The following EMSY variants were observed in gnomAD, a reference collection of about 807,000 sequenced individuals.
EMSY encodes BRCA2-interacting transcriptional repressor EMSY.
EMSY carries 26 observed loss-of-function variants against 134.6 expected under a neutral mutation model. The observed-to-expected ratio is 0.19, with a 90% CI of 0.14 to 0.27. The LOEUF (loss-of-function observed/expected upper bound fraction) is 0.27, where lower values mean the gene tolerates loss of function less well. EMSY is among the 10% of genes least tolerant of loss of function. The pLI is 1.00. For missense variants in EMSY, 1,305 were observed against 1,611.4 expected (o/e 0.81, Z 3.26); for synonymous variants, 579 against 577.8 (o/e 1.00, Z -0.03).
chr11:76,529,945 CT>C (rs1950974146), intron 14 of EMSY, among the ~76,000 whole-genome samples: 1 of 151,942 alleles, frequency 6.6e-6, no homozygotes, highest in African/African-American at 2.4e-5. Flanking sequence ...CAATACTGGC[CT>C]TTTTTGCACT....
At chr11:76,472,569 T>A in exon 8 of EMSY, 1 of 1,613,572 alleles carries the variant, frequency 6.2e-7, no homozygotes, top group African/African-American at 1.3e-5. Flanking sequence ...CTTAGGTTAT[T>A]ATAGTCACCA....
chr11:76,454,010 T>C (rs914434322), intron 4 of EMSY: 5 of 152,180 alleles, frequency 3.3e-5, no homozygotes, highest in Admixed American at 2.0e-4. Context: ...TAAGCCTTAA[T>C]TGAGTATGTA....
chr11:76,486,804 G>A (rs1949203274), intron 8 of EMSY, among the ~76,000 whole-genome samples: 2 of 152,160 alleles, frequency 1.3e-5, no homozygotes, highest in Admixed American at 1.3e-4. Flanking sequence ...AATCAAGGTG[G>A]TCATAATAGT....
intron 8 of EMSY, among the ~76,000 whole-genome samples, chr11:76,490,201 C>A (rs1456769448): frequency 1.3e-5 from 2 of 149,966 alleles, no homozygotes; most frequent in Non-Finnish European, 3.0e-5. Flanking sequence ...TTTAAGGATT[C>A]CATTTTATTT....
exon 19 of EMSY, chr11:76,544,472 A>C (rs1951566122): frequency 2.5e-6 from 4 of 1,614,000 alleles, no homozygotes; most frequent in African/African-American, 1.3e-5. Flanking sequence ...CTTCCAGACT[A>C]AACAGAAGCA....
intron 4 of EMSY, 161 bp from the exon 6 acceptor site, chr11:76,458,016 GAATTAT>G: frequency 4.0e-6 from 2 of 505,804 alleles, no homozygotes; most frequent in East Asian, 6.7e-5. Flanking sequence ...GACATTCCTT[GAATTAT>G]AATTATTCAT....
chr11:76,486,650 TCTC>T (rs1234555503), intron 8 of EMSY, among the ~76,000 whole-genome samples: 5 of 152,046 alleles, frequency 3.3e-5, no homozygotes, highest in South Asian at 2.1e-4. Flanking sequence ...ATCTCTGACC[TCTC>T]CTCCTTACAT....
rs1951285987 is a variant in EMSY, at chr11:76,537,938, T to C, written c.2503T>C (p.Tyr835His). ...GGTAGAGTCAGAACTAGTAGCTGAA[T>C]ACATCACTACTGGTAGGTGTCCTCT... Residue 835 changes from tyrosine to histidine, a missense_variant, in exon 16 of 21, where the codon TAC becomes CAC. By Grantham distance (83) the Tyr-to-His change is moderately conservative. This residue lies in a region of EMSY where 664 missense variants were observed against 763.9 expected (regional missense o/e 0.87). Coordinates refer to ENST00000334736, the Ensembl canonical transcript of EMSY. 7 of 1,611,036 alleles carry C rather than the reference T, an allele frequency of 4.3e-6. No individual in the cohort carries two copies. In the South Asian group the frequency reaches 5.5e-5, roughly 13 times the overall value.
chr11:76,526,171 G>A (rs1950840244), intron 12 of EMSY, among the ~76,000 whole-genome samples: 2 of 152,124 alleles, frequency 1.3e-5, no homozygotes, highest in South Asian at 2.1e-4. Context: ...TATAATATAT[G>A]TATTCCATTA....
At chr11:76,469,084 A>G (rs1214247301) in intron 7 of EMSY, among the ~76,000 whole-genome samples, 2 of 152,162 alleles carry the variant, frequency 1.3e-5, no homozygotes, top group Non-Finnish European at 2.9e-5. Context: ...CTCAAAATAG[A>G]TCTTATCATT....
chr11:76,523,700 C>CTTTTTTTTTTTTTT (rs1491439676), intron 12 of EMSY, among the ~76,000 whole-genome samples: 2 of 63,748 alleles, frequency 3.1e-5, no homozygotes, highest in African/African-American at 1.4e-4. Flanking sequence ...GGATTTGTTA[C>CTTTTTTTTTTTTTT]TTTCTTTTTT....
At chr11:76,446,052 GTTCA>G (rs1237809440) in intron 1 of EMSY, among the ~76,000 whole-genome samples, 2 of 152,026 alleles carry the variant, frequency 1.3e-5, no homozygotes, top group African/African-American at 2.4e-5. Flanking sequence ...CAGTGAGCTC[GTTCA>G]TTCATTCATT....
intron 10 of EMSY, among the ~76,000 whole-genome samples, chr11:76,515,206 T>G (rs367702627): frequency 0.035 from 5,095 of 144,458 alleles, 97 homozygotes; most frequent in Middle Eastern, 0.052. Flanking sequence ...AGCATTTTTT[T>G]GGGGGGGGGG....
intron 11 of EMSY, among the ~76,000 whole-genome samples, chr11:76,521,569 C>T (rs61894542): frequency 0.27 from 40,851 of 151,660 alleles, 5,795 homozygotes; most frequent in Non-Finnish European, 0.32. Flanking sequence ...TCAAGACCAA[C>T]CTGGGTAATG....
exon 8 of EMSY, chr11:76,472,828 A>G (rs750378586): frequency 2.5e-6 from 4 of 1,613,740 alleles, no homozygotes; most frequent in Non-Finnish European, 3.4e-6. Context: ...GGTCATGTCA[A>G]CAGTAGCACA....
intron 5 of EMSY, chr11:76,459,183 G>T (rs1017607134): frequency 1.3e-5 from 2 of 152,166 alleles, no homozygotes; most frequent in African/African-American, 4.8e-5. Context: ...GTTTCCACTA[G>T]TCAAATCCAT....
intron 9 of EMSY, among the ~76,000 whole-genome samples, chr11:76,499,109 A>G (rs1387691987): frequency 6.6e-6 from 1 of 151,052 alleles, no homozygotes; most frequent in Non-Finnish European, 1.5e-5. Context: ...TTACAGGTGC[A>G]CACTACCACG....
chr11:76,458,454 T>C (rs1182024585), intron 5 of EMSY, 96 bp downstream of exon 6: 1 of 1,272,268 alleles, frequency 7.9e-7, no homozygotes, highest in Non-Finnish European at 1.1e-6. Flanking sequence ...CTACTTTTAT[T>C]CTAGTGTTTA....
At chr11:76,526,139 T>A (rs1396521548) in intron 12 of EMSY, among the ~76,000 whole-genome samples, 1 of 152,176 alleles carries the variant, frequency 6.6e-6, no homozygotes, top group Non-Finnish European at 1.5e-5. Flanking sequence ...TACTATACCT[T>A]CTTCCAGAAT....
Sources: gnomAD v4.1 joint callset for allele counts (sites outside exome capture counted in the v4.1 genomes callset) on GRCh38, gnomAD v4.1.1 for gene constraint, gnomAD v4.1.1 regional missense constraint, MANE v1.5 for transcripts, NCBI Gene and HGNC (gene_info 2026-07-23, HGNC 2026-07-21) for gene names.